Variants in GALNT13 observed in about 807,000 individuals in gnomAD.
GALNT13 encodes the protein polypeptide N-acetylgalactosaminyltransferase 13, also known as UDP-GalNAc:polypeptide N-acetylgalactosaminyltransferase 13.
In GALNT13, 28 loss-of-function variants were observed where a neutral mutation model predicts 64.2. That is an observed-to-expected ratio of 0.44 (90% CI 0.32 to 0.60). The LOEUF is 0.60. Ranked by LOEUF, GALNT13 falls within the 20% of genes least tolerant of loss-of-function variation. GALNT13 has a pLI of 0.05. For missense variants in GALNT13, 577 were observed against 669.8 expected (o/e 0.86, Z 1.53); for synonymous variants, 214 against 224.6 (o/e 0.95, Z 0.42).
chr2:153,191,291 G>A, the GALNT13 span, among the ~76,000 whole-genome samples: 1 of 152,056 alleles, frequency 6.6e-6, no homozygotes, highest in South Asian at 2.1e-4. Context: ...AAGTGATGTT[G>A]AATTTTATCA....
chr2:153,916,173 T>A (rs1345211090), intron 2 of GALNT13, among the ~76,000 whole-genome samples: 1 of 151,380 alleles, frequency 6.6e-6, no homozygotes, highest in Non-Finnish European at 1.5e-5. Context: ...TTCTTTTTTT[T>A]TTTTTATAAG....
chr2:153,244,306 T>A, the GALNT13 span, among the ~76,000 whole-genome samples: 1 of 151,884 alleles, frequency 6.6e-6, no homozygotes, highest in African/African-American at 2.4e-5. Context: ...TTTAAACCTT[T>A]GATATCTGAC....
At chr2:153,889,236 C>A (rs1005188380) in intron 1 of GALNT13, among the ~76,000 whole-genome samples, 2 of 151,900 alleles carry the variant, frequency 1.3e-5, no homozygotes, top group African/African-American at 4.8e-5. Context: ...TCTTGACTTT[C>A]AGTTCCTTCA....
chr2:154,287,124 A>G (rs754592495), intron 8 of GALNT13: 4 of 1,267,728 alleles, frequency 3.2e-6, no homozygotes, highest in Non-Finnish European at 4.5e-6. Flanking sequence ...TCCTTGACAC[A>G]TCTGACCTTT....
chr2:153,070,980 G>A, the GALNT13 span, among the ~76,000 whole-genome samples: 1 of 152,060 alleles, frequency 6.6e-6, no homozygotes, highest in Admixed American at 6.6e-5. Context: ...TAAAAACACT[G>A]AAATTATTAT....
chr2:153,316,267 A>T, the GALNT13 span, among the ~76,000 whole-genome samples: 1 of 152,106 alleles, frequency 6.6e-6, no homozygotes, highest in African/African-American at 2.4e-5. Flanking sequence ...GTCTTATAAA[A>T]TTAAACTCCT....
At chr2:153,202,506 G>A in the GALNT13 span, among the ~76,000 whole-genome samples, 1 of 152,264 alleles carries the variant, frequency 6.6e-6, no homozygotes, top group East Asian at 1.9e-4. Context: ...CAAATTCTGT[G>A]GAATAACTGC....
At chr2:153,262,079 A>T in the GALNT13 span, among the ~76,000 whole-genome samples, 1 of 152,216 alleles carries the variant, frequency 6.6e-6, no homozygotes, top group African/African-American at 2.4e-5. Flanking sequence ...GGTATCTAAG[A>T]TGCAAGACCG....
At chr2:153,787,178 A>G in the GALNT13 span, among the ~76,000 whole-genome samples, 8 of 152,130 alleles carry the variant, frequency 5.3e-5, no homozygotes, top group African/African-American at 1.4e-4. Context: ...CAGCACTCAA[A>G]TGGGAGGAGA....
At chr2:153,304,564 C>T in the GALNT13 span, among the ~76,000 whole-genome samples, 6 of 152,136 alleles carry the variant, frequency 3.9e-5, no homozygotes, top group African/African-American at 1.4e-4. Context: ...AATATGCTAC[C>T]AGTGAGACAT....
At chr2:154,172,836 T>A (rs1685438334) in intron 4 of GALNT13, among the ~76,000 whole-genome samples, 1 of 151,806 alleles carries the variant, frequency 6.6e-6, no homozygotes, top group South Asian at 2.1e-4. Flanking sequence ...TACAAAAAAA[T>A]TGATAGATAT....
At chr2:154,158,197 A>G (rs2105654563) in intron 4 of GALNT13, among the ~76,000 whole-genome samples, 1 of 152,268 alleles carries the variant, frequency 6.6e-6, no homozygotes, top group Admixed American at 6.5e-5. Flanking sequence ...TAAGCACCAG[A>G]TAGTCCCAAA....
At chr2:154,213,286 C>T (rs1687876986) in intron 4 of GALNT13, among the ~76,000 whole-genome samples, 1 of 151,858 alleles carries the variant, frequency 6.6e-6, no homozygotes, top group South Asian at 2.1e-4. Flanking sequence ...TGCCATGTTG[C>T]CCAGGCTGGT....
chr2:154,072,229 A>T (rs1700772638), intron 3 of GALNT13, among the ~76,000 whole-genome samples: 1 of 152,138 alleles, frequency 6.6e-6, no homozygotes, highest in African/African-American at 2.4e-5. Context: ...CATGTTATTC[A>T]GGATTTTAAA....
the GALNT13 span, among the ~76,000 whole-genome samples, chr2:153,681,295 A>G: frequency 1.3e-5 from 2 of 151,832 alleles, no homozygotes; most frequent in Non-Finnish European, 2.9e-5. Context: ...AAATGACACA[A>G]TTGTGACCTT....
At chr2:153,208,873 G>A in the GALNT13 span, among the ~76,000 whole-genome samples, 1 of 147,560 alleles carries the variant, frequency 6.8e-6, no homozygotes, top group Admixed American at 6.8e-5. Context: ...TCTATTTGTT[G>A]TCTTATTTGA....
the GALNT13 span, among the ~76,000 whole-genome samples, chr2:153,651,360 G>T: frequency 1.3e-5 from 2 of 152,090 alleles, no homozygotes; most frequent in African/African-American, 2.4e-5. Flanking sequence ...AGAAGCCAGG[G>T]TTCATACCTA....
the GALNT13 span, among the ~76,000 whole-genome samples, chr2:153,819,867 A>T: frequency 6.6e-6 from 1 of 152,192 alleles, no homozygotes; most frequent in African/African-American, 2.4e-5. Flanking sequence ...ATGTTGCAAC[A>T]CCACCAAAGG....
chr2:153,434,713 T>C, the GALNT13 span, among the ~76,000 whole-genome samples: 1 of 152,228 alleles, frequency 6.6e-6, no homozygotes, highest in Non-Finnish European at 1.5e-5. Context: ...GAGTTCATTG[T>C]AGATTCTGGA....
Sources: allele counts gnomAD v4.1 joint callset (sites outside exome capture counted in the v4.1 genomes callset), GRCh38; gene constraint gnomAD v4.1.1; transcripts MANE v1.5; gene names NCBI Gene and HGNC (gene_info 2026-07-23, HGNC 2026-07-21).